Variants in DSCAML1 observed in about 807,000 individuals in gnomAD.
DSCAML1 encodes cell adhesion molecule DSCAML1.
In DSCAML1, 38 loss-of-function variants were observed where a neutral mutation model predicts 200.5. The ratio of observed to expected loss-of-function variants is 0.19; its 90% CI spans 0.15 to 0.25. DSCAML1 has a LOEUF of 0.25. Among genes scored for constraint, DSCAML1 ranks in the 10% least tolerant of loss-of-function variants. The probability of loss-of-function intolerance (pLI) is 1.00; values close to 1 mark genes in which losing one functional copy is unlikely to be tolerated. For synonymous variants in DSCAML1, 1,215 were observed against 1,165.0 expected, an observed-to-expected ratio of 1.04 and a Z score of -0.87; for missense variants, 2,223 against 2,858.8, an observed-to-expected ratio of 0.78 and a Z score of 5.07.
Position 117,731,944 on chromosome 11 carries a change from G to A in DSCAML1, c.511+44847C>T, listed in dbSNP as rs568824422. ...GCATGGGTGTCTCAGCATGGTCCAC[G>A]CAAGATCAGGCTGGACAGAGGGCCG... is the stretch of plus-strand genomic sequence containing the variant. On this transcript the variant is annotated intron_variant, in intron 3 of 32. Transcript: ENST00000651296. Among the ~76,000 whole-genome samples the A allele has an allele frequency of 2.3e-4, 35 of 152,304 alleles. 1 individual carries two copies. The East Asian group carries it at 4.2e-3, about 18-fold the overall frequency.
chr11:117,689,222 T>C (rs915163638), intron 3 of DSCAML1, among the ~76,000 whole-genome samples: 2 of 152,242 alleles, frequency 1.3e-5, no homozygotes, highest in African/African-American at 4.8e-5. Context: ...AAGGGACGCA[T>C]ACAAAGAAGC....
chr11:117,798,745 A>G (rs2055627291), upstream of DSCAML1, among the ~76,000 whole-genome samples: 1 of 152,086 alleles, frequency 6.6e-6, no homozygotes, highest in Non-Finnish European at 1.5e-5. Context: ...CACTCAGCAT[A>G]ATGTTTTCAA....
rs1022813248 is a variant in DSCAML1, at chr11:117,678,834, G to A, written c.511+97957C>T. Among the ~76,000 whole-genome samples the A allele has an allele frequency of 6.6e-5, 10 of 152,386 alleles. No homozygotes were observed. The East Asian group carries it at 1.2e-3, about 18-fold the overall frequency. ...CCAGGCTGAGCAGGGCCTTGTAGGC[G>A]AGGACTTTGGCTTCTACTCGGAATG... On this transcript the variant is annotated intron_variant, in intron 3 of 32. Transcript: ENST00000651296.
chr11:117,619,309 T>C (rs1388970185), intron 3 of DSCAML1, among the ~76,000 whole-genome samples: 1 of 152,206 alleles, frequency 6.6e-6, no homozygotes, highest in Non-Finnish European at 1.5e-5. Context: ...GGCGTGGCTA[T>C]TGGCCTGGGG....
In DSCAML1 at chr11:117,804,284, C is replaced by T. The variant is rs148096799; in HGVS notation, c.-250+13106G>A. Among the ~76,000 whole-genome samples the T allele has an allele frequency of 5.0e-3, 755 of 152,342 alleles. 5 individuals are homozygous for T. The highest frequency in any genetic ancestry group is 0.018 in the African/African-American group (730 of 41,564). On this transcript the variant is annotated intron_variant, in intron 1 of 2. Transcript: ENST00000525836. ...GGGCAGTGCCTTAGAGCTCAGCTCA[C>T]CTGGCCCCATCTCATACCCACTGGC...
chr11:117,670,253 G>A (rs917629356), intron 3 of DSCAML1, among the ~76,000 whole-genome samples: 6 of 152,066 alleles, frequency 3.9e-5, no homozygotes, highest in Non-Finnish European at 7.4e-5. Flanking sequence ...AAATCCAATT[G>A]CCAGGCTTAC....
At chr11:117,692,550 A>G (rs1437375343) in intron 3 of DSCAML1, among the ~76,000 whole-genome samples, 1 of 152,122 alleles carries the variant, frequency 6.6e-6, no homozygotes, top group Non-Finnish European at 1.5e-5. Context: ...GAGAAAGGGG[A>G]GGTCTGGTTT....
At chr11:117,608,550 A>C (rs1379550357) in intron 3 of DSCAML1, among the ~76,000 whole-genome samples, 3 of 152,226 alleles carry the variant, frequency 2.0e-5, no homozygotes, top group Non-Finnish European at 4.4e-5. Flanking sequence ...AGAACATTTT[A>C]ACATCTTTGA....
At chr11:117,545,809 CTCAA>C (rs935058884) in intron 3 of DSCAML1, among the ~76,000 whole-genome samples, 2 of 152,220 alleles carry the variant, frequency 1.3e-5, no homozygotes, top group East Asian at 3.8e-4. Context: ...CATCTGCACC[CTCAA>C]TCAAAGACTC....
rs546302926 is a variant in DSCAML1 at position 117,516,442 on chromosome 11, G to T, written c.1783+25C>A. On this transcript the variant is annotated intron_variant, in intron 8 of 32. Transcript: ENST00000651296. This position sits in a 1 kb window ranked among gnomAD's most constrained non-coding sequence, Gnocchi z 5.7. ...ATCCTGGGTGGTCAGGCGGGCAGGGGCCCTGGCTGGTGAGGGAGGCCTACC... is the reference window on the plus strand; with the variant it reads ...ATCCTGGGTGGTCAGGCGGGCAGGGTCCCTGGCTGGTGAGGGAGGCCTACC... The T allele has an allele frequency of 6.2e-7, 1 of 1,602,394 alleles. No individual in the cohort carries two copies.
At position 117,480,826 on chromosome 11, in the gene DSCAML1, T is replaced by A. The variant is rs191435625; in HGVS notation, c.2657-255A>T. Among the ~76,000 whole-genome samples the A allele has an allele frequency of 5.9e-4, 90 of 152,290 alleles. No homozygotes were observed. Among genetic ancestry groups the A allele is most frequent in the Non-Finnish European group, 9.1e-4 (62 of 68,008 alleles). On this transcript the variant is annotated intron_variant, in intron 13 of 32. Coordinates refer to ENST00000651296, the MANE Select transcript of DSCAML1 (RefSeq NM_020693.4). This position sits in a 1 kb window ranked among gnomAD's most constrained non-coding sequence, Gnocchi z 4.1. ...CTCTTCTGCAGGGATTCCTGTTAGCTGACGGCATTTTTCCCCTTCCAACTT... is the reference window on the plus strand; with the variant it reads ...CTCTTCTGCAGGGATTCCTGTTAGCAGACGGCATTTTTCCCCTTCCAACTT...
intron 21 of DSCAML1, among the ~76,000 whole-genome samples, chr11:117,442,135 G>T (rs889827671): frequency 1.3e-5 from 2 of 152,056 alleles, no homozygotes; most frequent in Non-Finnish European, 1.5e-5. Flanking sequence ...GCACGTGTAT[G>T]CATGTGTGTA....
At chr11:117,546,849 A>T (rs1001865895) in intron 3 of DSCAML1, among the ~76,000 whole-genome samples, 7 of 152,090 alleles carry the variant, frequency 4.6e-5, no homozygotes, top group Admixed American at 2.6e-4. Context: ...ACAAGATTTT[A>T]TTTCTAATTA....
At chr11:117,502,301 G>A (rs1256189764) in intron 11 of DSCAML1, among the ~76,000 whole-genome samples, 2 of 152,178 alleles carry the variant, frequency 1.3e-5, no homozygotes, top group African/African-American at 2.4e-5. Context: ...GCAGCTCAGC[G>A]GAATCCCCCA....
intron 3 of DSCAML1, chr11:117,611,777 TC>T (rs5795097): frequency 0.24 from 36,761 of 152,110 alleles, 4,731 homozygotes; most frequent in East Asian, 0.33. Context: ...TTTAAGTCAT[TC>T]CCTTACCTTC....
chr11:117,742,651 T>C (rs1453882787), intron 3 of DSCAML1, among the ~76,000 whole-genome samples: 1 of 152,178 alleles, frequency 6.6e-6, no homozygotes, highest in Non-Finnish European at 1.5e-5. Context: ...TCCAGGGTCC[T>C]TGGACTGTGC....
intron 3 of DSCAML1, among the ~76,000 whole-genome samples, chr11:117,761,263 C>T (rs1352723451): frequency 6.6e-6 from 1 of 152,114 alleles, no homozygotes; most frequent in Non-Finnish European, 1.5e-5. Context: ...CAGATGAGGC[C>T]TCACACATGG....
chr11:117,538,599 T>C (rs2137359335), intron 3 of DSCAML1, among the ~76,000 whole-genome samples: 1 of 152,358 alleles, frequency 6.6e-6, no homozygotes, highest in African/African-American at 2.4e-5. Context: ...GCATCTTTTC[T>C]GTCTTTTTCT....
chr11:117,797,005 CGCCGCCCA>C (rs1263711254), intron 1 of DSCAML1, 21 bp downstream of exon 1: 8 of 1,395,228 alleles, frequency 5.7e-6, no homozygotes, highest in East Asian at 5.8e-5. Flanking sequence ...CCGCCGCCTC[CGCCGCCCA>C]GCCGCCCGCG....
Sources: gnomAD v4.1 joint callset for allele counts (sites outside exome capture counted in the v4.1 genomes callset) on GRCh38, gnomAD v4.1.1 for gene constraint, Gnocchi (gnomAD v3.1) non-coding constraint, MANE v1.5 for transcripts, NCBI Gene and HGNC (gene_info 2026-07-23, HGNC 2026-07-21) for gene names.